Variants in CNTNAP2 observed in about 807,000 individuals in gnomAD.
CNTNAP2 encodes contactin associated protein 2, also known as contactin-associated protein-like 2.
A neutral mutation model predicts 155.2 loss-of-function variants in CNTNAP2; 98 were observed. The observed-to-expected ratio is 0.63, with a 90% CI of 0.54 to 0.75. The LOEUF is 0.75. Ranked by LOEUF, CNTNAP2 falls within the 30% of genes least tolerant of loss-of-function variation. The probability of loss-of-function intolerance (pLI) is 0.00; values close to 1 mark genes in which losing one functional copy is unlikely to be tolerated. For missense variants in CNTNAP2, 1,727 were observed against 1,688.1 expected (o/e 1.02, Z -0.40); for synonymous variants, 651 against 631.2 (o/e 1.03, Z -0.47).
chr7:146,316,002 A>G (rs957981523), intron 1 of CNTNAP2, among the ~76,000 whole-genome samples: 2 of 152,204 alleles, frequency 1.3e-5, no homozygotes, highest in African/African-American at 2.4e-5. Flanking sequence ...CAGTTTTTTG[A>G]AACAAATCAA....
chr7:148,279,101 C>A (rs1268096164), intron 21 of CNTNAP2, among the ~76,000 whole-genome samples: 1 of 152,178 alleles, frequency 6.6e-6, no homozygotes, highest in East Asian at 1.9e-4. Flanking sequence ...GGAGAGTCTG[C>A]ATTTTATTCT....
intron 13 of CNTNAP2, among the ~76,000 whole-genome samples, chr7:147,869,075 C>A (rs1315522886): frequency 6.6e-6 from 1 of 152,184 alleles, no homozygotes; most frequent in Non-Finnish European, 1.5e-5. Flanking sequence ...GTGCTGCGGA[C>A]CAGAACTGTT....
chr7:147,333,591 T>A (rs756849643), intron 9 of CNTNAP2, among the ~76,000 whole-genome samples: 3 of 152,192 alleles, frequency 2.0e-5, no homozygotes, highest in Non-Finnish European at 2.9e-5. Context: ...ACTTGTTCAC[T>A]TTGGAGAGAT....
At chr7:146,344,156 A>G (rs1584879663) in intron 1 of CNTNAP2, among the ~76,000 whole-genome samples, 2 of 152,304 alleles carry the variant, frequency 1.3e-5, no homozygotes, top group Middle Eastern at 3.4e-3. Context: ...CTTCACTACA[A>G]TACCAAAATT....
At chr7:147,614,589 A>G (rs913959994) in intron 12 of CNTNAP2, among the ~76,000 whole-genome samples, 2 of 151,564 alleles carry the variant, frequency 1.3e-5, no homozygotes, top group Non-Finnish European at 2.9e-5. Context: ...CATCTTCTCT[A>G]CAATTCTTAG....
intron 1 of CNTNAP2, among the ~76,000 whole-genome samples, chr7:146,188,113 C>A (rs184781997): frequency 8.3e-4 from 127 of 152,174 alleles, no homozygotes; most frequent in African/African-American, 2.7e-3. Context: ...GAGTTTATCA[C>A]AAATGACAAA....
chr7:147,467,423 C>T (rs1010025683), intron 10 of CNTNAP2, among the ~76,000 whole-genome samples: 1 of 152,092 alleles, frequency 6.6e-6, no homozygotes, highest in African/African-American at 2.4e-5. Flanking sequence ...AATACAATGT[C>T]AGTGAAATAA....
chr7:148,020,080 C>T (rs1403646918), intron 15 of CNTNAP2, among the ~76,000 whole-genome samples: 1 of 152,214 alleles, frequency 6.6e-6, no homozygotes, highest in Admixed American at 6.5e-5. Context: ...AGCCACCACA[C>T]CTGGCCAGAG....
rs562114784 is a variant in CNTNAP2 at position 146,352,814 on chromosome 7, G to A, written c.97+235841G>A. On this transcript the variant is annotated intron_variant, in intron 1 of 23. Coordinates refer to ENST00000361727, the MANE Select transcript of CNTNAP2 (RefSeq NM_014141.6). Reference sequence around the variant, plus strand: ...CTGTCGCCCAGGCTGGAGTTCAGTGGTGCGATCTCGGCTCACTGCAAGCTC... The same window carrying A: ...CTGTCGCCCAGGCTGGAGTTCAGTGATGCGATCTCGGCTCACTGCAAGCTC... 4.7e-3 allele frequency among the ~76,000 whole-genome samples: 638 copies of A among 136,960 alleles called. 8 individuals carry two copies. Among genetic ancestry groups the A allele is most frequent in the African/African-American group, 0.017 (614 of 35,174 alleles). 89.9% of individuals were successfully genotyped at this position (136,960 alleles called of 152,430 possible). A position where few individuals can be genotyped will look rare whatever the true frequency, so the allele number is the denominator to read the frequency against.
At chr7:147,785,607 C>G (rs890140473) in intron 13 of CNTNAP2, among the ~76,000 whole-genome samples, 1 of 151,944 alleles carries the variant, frequency 6.6e-6, no homozygotes, top group Non-Finnish European at 1.5e-5. Flanking sequence ...GATTTTGGAG[C>G]TGGAAAAAAG....
chr7:146,857,728 A>T (rs569784135), intron 3 of CNTNAP2, among the ~76,000 whole-genome samples: 1 of 152,298 alleles, frequency 6.6e-6, no homozygotes, highest in African/African-American at 2.4e-5. Context: ...GAAAAAAGAC[A>T]CACCAATCTA....
At position 147,217,769 on chromosome 7, in the gene CNTNAP2, C is replaced by T. The variant is rs181298427; in HGVS notation, c.1349-82372C>T. ...TGGTGGAATTACCAGCGAACACTTA[C>T]GGACCTGATGCTTTCTGTTTTGGAA... On this transcript the variant is annotated intron_variant, in intron 8 of 23. Coordinates refer to ENST00000361727, the MANE Select transcript of CNTNAP2 (RefSeq NM_014141.6). 4.3e-4 allele frequency among the ~76,000 whole-genome samples: 66 copies of T among 152,100 alleles called. 1 individual carries two copies. In the East Asian group the frequency reaches 0.011, roughly 24 times the overall value.
chr7:147,801,952 G>T (rs531119594), intron 13 of CNTNAP2, among the ~76,000 whole-genome samples: 4,707 of 149,688 alleles, frequency 0.031, 105 homozygotes, highest in Non-Finnish European at 0.05. Flanking sequence ...CCGGGCGGGG[G>T]GCTGACACCC....
At chr7:146,826,905 ATAAAT>A (rs1197125895) in intron 2 of CNTNAP2, among the ~76,000 whole-genome samples, 1 of 151,276 alleles carries the variant, frequency 6.6e-6, no homozygotes, top group African/African-American at 2.4e-5. Flanking sequence ...TCTGCATAAA[ATAAAT>A]TAAGCCAAGA....
intron 9 of CNTNAP2, among the ~76,000 whole-genome samples, chr7:147,330,072 A>G (rs1010069568): frequency 4.6e-5 from 7 of 152,032 alleles, no homozygotes; most frequent in African/African-American, 1.2e-4. Flanking sequence ...TTAGGGCGAA[A>G]CCCCTAGAAA....
At chr7:148,165,232 C>A (rs1243920646) in intron 17 of CNTNAP2, among the ~76,000 whole-genome samples, 1 of 152,166 alleles carries the variant, frequency 6.6e-6, no homozygotes, top group Admixed American at 6.5e-5. Flanking sequence ...TTCACTTGAT[C>A]TTTTCTCTGT....
At chr7:146,920,705 T>C (rs994456955) in intron 3 of CNTNAP2, among the ~76,000 whole-genome samples, 3 of 152,326 alleles carry the variant, frequency 2.0e-5, no homozygotes, top group Admixed American at 6.5e-5. Flanking sequence ...AATTTTTTCA[T>C]TGAATGTTGA....
intron 1 of CNTNAP2, among the ~76,000 whole-genome samples, chr7:146,496,738 A>G (rs1459812167): frequency 6.6e-6 from 1 of 152,152 alleles, no homozygotes. Flanking sequence ...CACTTATTTC[A>G]TGGGGATTGA....
intron 1 of CNTNAP2, among the ~76,000 whole-genome samples, chr7:146,191,655 C>T (rs866771459): frequency 1.3e-5 from 2 of 152,078 alleles, no homozygotes; most frequent in African/African-American, 4.8e-5. Flanking sequence ...TAGAGACCTA[C>T]CCCTGGGAAT....
Sources: allele counts gnomAD v4.1 joint callset (sites outside exome capture counted in the v4.1 genomes callset), GRCh38; gene constraint gnomAD v4.1.1; transcripts MANE v1.5; gene names NCBI Gene and HGNC (gene_info 2026-07-23, HGNC 2026-07-21).